SCNN1B: variants seen among roughly 807,000 people sequenced by gnomAD.
SCNN1B encodes epithelial sodium channel subunit beta.
In SCNN1B, 46 loss-of-function variants were observed where a neutral mutation model predicts 65.3. That is an observed-to-expected ratio of 0.70 (90% CI 0.56 to 0.90). SCNN1B has a LOEUF of 0.90. Ranked by LOEUF, SCNN1B falls within the 40% of genes least tolerant of loss-of-function variation. SCNN1B has a pLI of 0.00. For missense variants in SCNN1B, 751 were observed against 830.5 expected, an observed-to-expected ratio of 0.90 and a Z score of 1.18; for synonymous variants, 349 against 330.6, an observed-to-expected ratio of 1.06 and a Z score of -0.60.
chr16:23,310,280 T>A (rs1281509364), intron 1 of SCNN1B, among the ~76,000 whole-genome samples: 1 of 135,968 alleles, frequency 7.4e-6, no homozygotes, highest in Admixed American at 7.5e-5. Context: ...GTTAGTATGT[T>A]CTGCATGACC....
Position 23,348,631 on chromosome 16 carries a change from T to C in SCNN1B, c.32T>C (p.Leu11Pro). ...GTGAAGAAGTACCTGCTGAAGGGCC[T>C]GCATCGGCTGCAGAAGGGCCCCGGC... Reference protein sequence around the residue: MHVKKYLLKGLHRLQKGPGYT... With the variant: MHVKKYLLKGPHRLQKGPGYT... The change falls in exon 2 of 13, where the codon CTG becomes CCG. Residue 11 changes from leucine to proline, a missense_variant. Transcript: ENST00000343070. This position sits in a 1 kb window ranked among gnomAD's most constrained non-coding sequence, Gnocchi z 4.5. The C allele has an allele frequency of 6.2e-7, 1 of 1,613,340 alleles. No individual in the cohort carries two copies.
intron 1 of SCNN1B, among the ~76,000 whole-genome samples, chr16:23,343,956 G>A (rs998325840): frequency 6.6e-6 from 1 of 152,156 alleles, no homozygotes; most frequent in Non-Finnish European, 1.5e-5. Context: ...ACATCATAAA[G>A]TTGTTTGCAG....
chr16:23,309,215 C>T (rs1041989174), intron 1 of SCNN1B, among the ~76,000 whole-genome samples: 10 of 152,046 alleles, frequency 6.6e-5, no homozygotes, highest in Non-Finnish European at 1.0e-4. Flanking sequence ...GCTCACCATC[C>T]TATACTTACA....
rs116984208 is a variant in SCNN1B at position 23,361,246 on chromosome 16, G to A, written c.776+5757G>A. Among the ~76,000 whole-genome samples, 424 of 152,160 alleles carry A rather than the reference G, an allele frequency of 2.8e-3. 2 individuals carry two copies. The highest frequency in any genetic ancestry group is 3.5e-3 in the Non-Finnish European group (236 of 68,004). On this transcript the variant is annotated intron_variant, in intron 4 of 12. Transcript: ENST00000343070. ...GCCTGGCCTAGAGAGACTTTTTATCGAGGAATAGTTTTAGATTTACAGAAA... is the reference window on the plus strand; with the variant it reads ...GCCTGGCCTAGAGAGACTTTTTATCAAGGAATAGTTTTAGATTTACAGAAA...
At chr16:23,291,462 ATG>A (rs1284367332) in intron 2 of SCNN1B, among the ~76,000 whole-genome samples, 1 of 136,436 alleles carries the variant, frequency 7.3e-6, no homozygotes, top group South Asian at 2.2e-4. Context: ...CCATATATAT[ATG>A]TGTGTGTGTA....
intron 1 of SCNN1B, among the ~76,000 whole-genome samples, chr16:23,312,255 C>A (rs1048798398): frequency 1.3e-5 from 2 of 152,170 alleles, no homozygotes; most frequent in Non-Finnish European, 2.9e-5. Context: ...TAGGCATGAG[C>A]TACCTCGCCT....
chr16:23,320,644 G>C (rs983739819), intron 1 of SCNN1B, among the ~76,000 whole-genome samples: 1 of 152,210 alleles, frequency 6.6e-6, no homozygotes, highest in Non-Finnish European at 1.5e-5. Flanking sequence ...CCCATTCCAG[G>C]GGGTTCTGAT....
At chr16:23,332,914 C>T (rs1432230015) in intron 1 of SCNN1B, among the ~76,000 whole-genome samples, 8 of 152,052 alleles carry the variant, frequency 5.3e-5, no homozygotes, top group Non-Finnish European at 1.0e-4. Flanking sequence ...ACTAAAAATA[C>T]AAAAACTTAG....
intron 1 of SCNN1B, among the ~76,000 whole-genome samples, chr16:23,342,833 G>C (rs1468125177): frequency 6.6e-6 from 1 of 152,126 alleles, no homozygotes; most frequent in Non-Finnish European, 1.5e-5. Context: ...ATAGATAAGT[G>C]GTTTCTGATG....
chr16:23,380,233 G>C lies in SCNN1B; in HGVS notation c.1542+64G>C, dbSNP rs1001511279. ...GCCCTGACCCCTGCACCCTGAGGGTGGGGGAAGGGTTCTGAGCCCTATGAA... is the reference window on the plus strand; with the variant it reads ...GCCCTGACCCCTGCACCCTGAGGGTCGGGGAAGGGTTCTGAGCCCTATGAA... On this transcript the variant is annotated intron_variant, in intron 12 of 12. Coordinates refer to ENST00000343070, the MANE Select transcript of SCNN1B (RefSeq NM_000336.3). The surrounding 1 kb of genome is among the most constrained non-coding windows in gnomAD (Gnocchi z 5.4). 6.6e-7 allele frequency: 1 copy of C among 1,516,724 alleles called. No individual in the cohort carries two copies. Among genetic ancestry groups the C allele is most frequent in the African/African-American group, 1.4e-5 (1 of 73,064 alleles). The allele number at this position is 1,516,724 out of a possible 1,614,324, so 94.0% of individuals were successfully genotyped here.
chr16:23,280,508 C>A (rs564378319), intron 1 of SCNN1B, among the ~76,000 whole-genome samples: 1 of 152,316 alleles, frequency 6.6e-6, no homozygotes, highest in East Asian at 1.9e-4. Context: ...CGTGAGCCAC[C>A]ATGCCTGGCT....
At chr16:23,373,394 C>G (rs1470598382) in intron 7 of SCNN1B, among the ~76,000 whole-genome samples, 1 of 152,172 alleles carries the variant, frequency 6.6e-6, no homozygotes, top group African/African-American at 2.4e-5. Flanking sequence ...TCCCAAAGTG[C>G]TGGGATTATA....
chr16:23,311,549 T>A (rs989500503), intron 1 of SCNN1B, among the ~76,000 whole-genome samples: 5 of 152,216 alleles, frequency 3.3e-5, no homozygotes, highest in African/African-American at 1.2e-4. Context: ...ATTTGAATCC[T>A]GATTGGAAAA....
intron 4 of SCNN1B, among the ~76,000 whole-genome samples, chr16:23,360,209 T>A (rs152739): frequency 0.58 from 86,859 of 149,768 alleles, 25,266 homozygotes; most frequent in East Asian, 0.76. Flanking sequence ...AAAAAATAAA[T>A]AAATAAATAA....
upstream of SCNN1B, among the ~76,000 whole-genome samples, chr16:23,301,259 GGCTGAGGCAGGAGAATT>G (rs1428833237): frequency 6.6e-6 from 1 of 151,716 alleles, no homozygotes; most frequent in Non-Finnish European, 1.5e-5. Flanking sequence ...CTACTAGGGA[GGCTGAGGCAGGAGAATT>G]GCTTGATTCC....
At chr16:23,357,471 T>TG (rs1962444136) in intron 4 of SCNN1B, among the ~76,000 whole-genome samples, 2 of 152,158 alleles carry the variant, frequency 1.3e-5, no homozygotes, top group Non-Finnish European at 2.9e-5. Flanking sequence ...TAATCCCAGC[T>TG]ACTTGGGAGG....
At chr16:23,344,431 C>T (rs1162751636) in intron 1 of SCNN1B, among the ~76,000 whole-genome samples, 3 of 152,246 alleles carry the variant, frequency 2.0e-5, no homozygotes, top group South Asian at 4.1e-4. Flanking sequence ...CTATTGGAAC[C>T]TAATGTGATG....
At chr16:23,372,149 C>T (rs1962798936) in intron 7 of SCNN1B, 3 of 540,792 alleles carry the variant, frequency 5.5e-6, no homozygotes, top group Admixed American at 3.1e-5. Context: ...TCTGGGGTTT[C>T]CCAAGATGAA....
At chr16:23,284,708 C>A (rs2141967853) in intron 2 of SCNN1B, among the ~76,000 whole-genome samples, 1 of 152,288 alleles carries the variant, frequency 6.6e-6, no homozygotes, top group African/African-American at 2.4e-5. Context: ...AGGTGAGGAC[C>A]ATGTCAAACT....
Sources: gnomAD v4.1 joint callset for allele counts (sites outside exome capture counted in the v4.1 genomes callset) on GRCh38, gnomAD v4.1.1 for gene constraint, Gnocchi (gnomAD v3.1) non-coding constraint, MANE v1.5 for transcripts, NCBI Gene and HGNC (gene_info 2026-07-23, HGNC 2026-07-21) for gene names.